The following PRPF8 variants were observed in gnomAD, a reference collection of about 807,000 sequenced individuals.
PRPF8 encodes the protein pre-mRNA-processing-splicing factor 8.
A neutral mutation model predicts 285.9 loss-of-function variants in PRPF8; 64 were observed. The observed-to-expected ratio is 0.22, with a 90% CI of 0.18 to 0.28. PRPF8 has a LOEUF of 0.28. Among genes scored for constraint, PRPF8 ranks in the 10% least tolerant of loss-of-function variants. PRPF8 has a pLI of 1.00. For synonymous variants in PRPF8, 1,325 were observed against 1,118.2 expected, an observed-to-expected ratio of 1.18 and a Z score of -3.69; for missense variants, 1,426 against 3,026.7, an observed-to-expected ratio of 0.47 and a Z score of 12.41.
rs185757267 is a variant in PRPF8, at chr17:1,654,652, A to G, written c.5988-636T>C. The G allele has an allele frequency of 4.5e-5, 8 of 176,298 alleles. No individual in the cohort carries two copies. The East Asian group carries it at 5.7e-4, about 12-fold the overall frequency. The allele number at this position is 176,298 out of a possible 1,614,324, so 10.9% of individuals were successfully genotyped here. On this transcript the variant is annotated intron_variant, in intron 37 of 42. Transcript: ENST00000304992. ...GATAATTTCTTTCCTTGTTTTCAAG[A>G]CAAGAGTCTCGCTCTGTTACCCAGG... is the stretch of plus-strand genomic sequence containing the variant.
intron 24 of PRPF8, among the ~76,000 whole-genome samples, chr17:1,671,647 C>T (rs549644104): frequency 2.0e-5 from 3 of 151,350 alleles, no homozygotes; most frequent in African/African-American, 4.9e-5. Flanking sequence ...GTCAGGAGTT[C>T]GAGACCATCC....
rs746251021 is a variant in PRPF8, at chr17:1,654,207, G to A, written c.5988-191C>T. The A allele has an allele frequency of 5.0e-5, 40 of 801,750 alleles. No homozygotes were observed. In the Admixed American group the frequency reaches 7.5e-4, roughly 15 times the overall value. The allele number at this position is 801,750 out of a possible 1,614,324, so 49.7% of individuals were successfully genotyped here. ...TTCCAAGATTCGTCAGATCCAAGCG[G>A]GACAGCACACTGCGTGTGCACCTTC... On this transcript the variant is annotated intron_variant, in intron 37 of 42. Transcript: ENST00000304992.
At position 1,673,613 on chromosome 17, in the gene PRPF8, T is replaced by C. The variant is rs1912446823; in HGVS notation, c.3447-46A>G. ...GTCACAGCAGTTTCTTGGAAGGAAC[T>C]TCCCTTCAAAGGCCAACTGATGACA... On this transcript the variant is annotated intron_variant, in intron 22 of 42. Transcript: ENST00000304992. The surrounding 1 kb of genome is among the most constrained non-coding windows in gnomAD (Gnocchi z 5.5). 1.9e-6 allele frequency: 3 copies of C among 1,612,242 alleles called. No homozygotes were observed. Among genetic ancestry groups the C allele is most frequent in the African/African-American group, 1.3e-5 (1 of 74,768 alleles).
In PRPF8 at chr17:1,659,138, A is replaced by G; in HGVS notation, c.5138+219T>C. ...CCTCCCGGGTTCAAGTAATTCTCCC[A>G]CCTCAACCTTCTGAGTAGCTGGGAC... On this transcript the variant is annotated intron_variant, in intron 32 of 42. Transcript: ENST00000304992. The surrounding 1 kb of genome is among the most constrained non-coding windows in gnomAD (Gnocchi z 5.1). The G allele has an allele frequency of 1.5e-6, 1 of 664,144 alleles. No individual in the cohort carries two copies. Among genetic ancestry groups the G allele is most frequent in the South Asian group, 1.7e-5 (1 of 59,546 alleles). The allele number at this position is 664,144 out of a possible 1,614,324, so 41.1% of individuals were successfully genotyped here.
rs2151128392 is a variant in PRPF8 at position 1,676,942 on chromosome 17, G to A, written c.2181+34C>T. On this transcript the variant is annotated intron_variant, in intron 15 of 42. Transcript: ENST00000304992. The surrounding 1 kb of genome is among the most constrained non-coding windows in gnomAD (Gnocchi z 6.3). ...TGGTAATCCTACCCTAAAGACGGAT[G>A]TTTACGCCTCCAAGGAAATAAAGAG... 1 of 1,610,300 alleles carries A rather than the reference G, an allele frequency of 6.2e-7. No individual in the cohort carries two copies. The highest frequency in any genetic ancestry group is 1.3e-5 in the African/African-American group (1 of 74,956).
At chr17:1,655,787 C>G (rs554317634) in intron 36 of PRPF8, among the ~76,000 whole-genome samples, 1 of 151,894 alleles carries the variant, frequency 6.6e-6, no homozygotes, top group Admixed American at 6.6e-5. Flanking sequence ...CCACCACGCC[C>G]GGCTAATTTT....
chr17:1,658,202 G>T lies in PRPF8; in HGVS notation c.5505+51C>A. ...GTAAATATTACCAAGTCCACCCCAA[G>T]AATAAGAGGCAACATGGTTCTACAG... On this transcript the variant is annotated intron_variant, in intron 34 of 42. Transcript: ENST00000304992. The surrounding 1 kb of genome is among the most constrained non-coding windows in gnomAD (Gnocchi z 4.1). 6.2e-7 allele frequency: 1 copy of T among 1,613,136 alleles called. No individual in the cohort carries two copies. The highest frequency in any genetic ancestry group is 8.5e-7 in the Non-Finnish European group (1 of 1,179,826).
Position 1,660,296 on chromosome 17 carries a change from G to A in PRPF8, c.4785+136C>T, listed in dbSNP as rs535665569. On this transcript the variant is annotated intron_variant, in intron 30 of 42. Transcript: ENST00000304992. Reference sequence around the variant, plus strand: ...ACTCTCTACAGTACCCTCTCCCCACGATTCCACCTGAGCTGACTCTGTACA... The same window carrying A: ...ACTCTCTACAGTACCCTCTCCCCACAATTCCACCTGAGCTGACTCTGTACA... 6.1e-5 allele frequency: 91 copies of A among 1,500,892 alleles called. No individual in the cohort carries two copies. In the African/African-American group the frequency reaches 1.1e-3, roughly 19 times the overall value. 93.0% of individuals were successfully genotyped at this position (1,500,892 alleles called of 1,614,324 possible).
rs1912914959 is a variant in PRPF8, at chr17:1,681,396, G to C, written c.866+82C>G. 2.1e-6 allele frequency: 3 copies of C among 1,426,130 alleles called. No individual in the cohort carries two copies. The South Asian group carries it at 3.4e-5, about 16-fold the overall frequency. The allele number at this position is 1,426,130 out of a possible 1,614,324, so 88.3% of individuals were successfully genotyped here. A position where few individuals can be genotyped will look rare whatever the true frequency, so the allele number is the denominator to read the frequency against. On this transcript the variant is annotated intron_variant, in intron 6 of 42. Transcript: ENST00000304992. The stretch of plus-strand genomic sequence containing the variant: ...CACCTGGTGTAAACAGACTAATTTG[G>C]AAGTTATATCAGGACTTTAAGGATC...
At position 1,653,463 on chromosome 17, in the gene PRPF8, C is replaced by A. The variant is rs1208523736; in HGVS notation, c.6369+79G>T. 3 of 1,574,978 alleles carry A rather than the reference C, an allele frequency of 1.9e-6. No individual in the cohort carries two copies. Among genetic ancestry groups the A allele is most frequent in the Non-Finnish European group, 2.6e-6 (3 of 1,145,152 alleles). The stretch of plus-strand genomic sequence containing the variant: ...AATCTTGAAACCAGCATCTCAAGTT[C>A]CAGACAATCTCAGGTCTGAGTTTTA... On this transcript the variant is annotated intron_variant, in intron 39 of 42. Coordinates refer to ENST00000304992, the MANE Select transcript of PRPF8 (RefSeq NM_006445.4). This position sits in a 1 kb window ranked among gnomAD's most constrained non-coding sequence, Gnocchi z 4.9.
At position 1,661,109 on chromosome 17, in the gene PRPF8, G is replaced by C. The variant is rs1369473577; in HGVS notation, c.4392C>G (p.Leu1464=). 2 of 1,614,198 alleles carry C rather than the reference G, an allele frequency of 1.2e-6. No homozygotes were observed. The highest frequency in any genetic ancestry group is 1.6e-4 in the Middle Eastern group (1 of 6,062). The change falls in exon 28 of 43, where the codon CTC becomes CTG. Residue 1464 remains leucine (L), a synonymous_variant. Transcript: ENST00000304992. The surrounding 1 kb of genome is among the most constrained non-coding windows in gnomAD (Gnocchi z 7.3). ...CTGTACGGTAGTTGTTCAGGTTCCA[G>C]AGCTTCCCATCATGCCGCTGGTGTG... ...WWTHQRHDGK[L]WNLNNYRTDM...
chr17:1,662,259 A>C (rs1235738998), intron 24 of PRPF8, 106 bp from the exon 25 acceptor site: 1 of 1,285,176 alleles, frequency 7.8e-7, no homozygotes, highest in Non-Finnish European at 1.1e-6. Flanking sequence ...GAAAGATTTG[A>C]GTTCAACATC....
chr17:1,680,798 A>C lies in PRPF8; in HGVS notation c.1026T>G (p.Thr342=). 6.2e-7 allele frequency: 1 copy of C among 1,614,172 alleles called. No homozygotes were observed. The change falls in exon 8 of 43, where the codon ACT becomes ACG. Residue 342 remains threonine, a synonymous_variant. Transcript: ENST00000304992. ...AGAAAGCTGGCAAGTCAGGATCCTC[A>C]GTTTTGATGAATACAACATTGGGAG... ...YHTPNVVFIK[T]EDPDLPAFYF...
chr17:1,682,410 A>T lies in PRPF8; in HGVS notation c.270-117T>A. 3.0e-6 allele frequency: 4 copies of T among 1,355,022 alleles called. No individual in the cohort carries two copies. In the South Asian group the frequency reaches 4.8e-5, roughly 16 times the overall value. The allele number at this position is 1,355,022 out of a possible 1,614,324, so 83.9% of individuals were successfully genotyped here. On this transcript the variant is annotated intron_variant, in intron 3 of 42. Transcript: ENST00000304992. ...GTCCTACCTTACAATCCAAACTCCC[A>T]AACTTAGCCCACAGGCCCTTCCTAA... is the stretch of plus-strand genomic sequence containing the variant.
chr17:1,660,462 G>T lies in PRPF8; in HGVS notation c.4755C>A (p.Ile1585=), dbSNP rs187533075. Residue 1585 remains isoleucine, a synonymous_variant, in exon 30 of 43, where the codon ATC becomes ATA. Transcript: ENST00000304992. ...ATAAGTCCATAACAATGCTCTCATG[G>T]ATCTTCTGCCACAAGTGAGCTCGGA... is the stretch of plus-strand genomic sequence containing the variant. ...QIFRAHLWQK[I]HESIVMDLCQ... 2 of 1,614,168 alleles carry T rather than the reference G, an allele frequency of 1.2e-6. No individual in the cohort carries two copies. The highest frequency in any genetic ancestry group is 1.3e-5 in the African/African-American group (1 of 75,032).
chr17:1,677,347 T>G (rs1912657614), intron 14 of PRPF8, 175 bp from the exon 15 acceptor site: 1 of 953,728 alleles, frequency 1.0e-6, no homozygotes, highest in Non-Finnish European at 1.6e-6. Context: ...ACAACTATGC[T>G]TCTGAGGAAT....
Position 1,668,257 on chromosome 17 carries a change from T to C in PRPF8, c.3774+4824A>G, listed in dbSNP as rs571423945. On this transcript the variant is annotated intron_variant, in intron 24 of 42. Transcript: ENST00000304992. ...ACTCCTCAGCCTCTAACTTCTGATA[T>C]CCAGTTCCCTGATGCCTACAATTCT... Among the ~76,000 whole-genome samples, 8 of 152,172 alleles carry C rather than the reference T, an allele frequency of 5.3e-5. No homozygotes were observed. In the East Asian group the frequency reaches 1.5e-3, roughly 29 times the overall value.
chr17:1,681,272 G>T (rs1348939910), intron 6 of PRPF8, among the ~76,000 whole-genome samples: 1 of 151,996 alleles, frequency 6.6e-6, no homozygotes, highest in Non-Finnish European at 1.5e-5. Context: ...GTAAAGATAG[G>T]GTTTTGCCAT....
At chr17:1,669,395 G>A (rs1226544993) in intron 24 of PRPF8, among the ~76,000 whole-genome samples, 3 of 152,214 alleles carry the variant, frequency 2.0e-5, no homozygotes, top group Admixed American at 6.5e-5. Flanking sequence ...GTGAGCCACT[G>A]TGTCCAGCCA....
Sources: gnomAD v4.1 joint callset for allele counts (sites outside exome capture counted in the v4.1 genomes callset) on GRCh38, gnomAD v4.1.1 for gene constraint, Gnocchi (gnomAD v3.1) non-coding constraint, MANE v1.5 for transcripts, NCBI Gene and HGNC (gene_info 2026-07-23, HGNC 2026-07-21) for gene names.